Variants in HPSE2 observed in about 807,000 individuals in gnomAD.
The protein encoded by HPSE2 is inactive heparanase-2.
A neutral mutation model predicts 60.5 loss-of-function variants in HPSE2; 38 were observed. The observed-to-expected ratio is 0.63, with a 90% CI of 0.48 to 0.82. HPSE2 has a LOEUF of 0.82. Among genes scored for constraint, HPSE2 ranks in the 40% least tolerant of loss-of-function variants. The probability of loss-of-function intolerance (pLI) is 0.00; values close to 1 mark genes in which losing one functional copy is unlikely to be tolerated. For synonymous variants in HPSE2, 295 were observed against 293.2 expected, an observed-to-expected ratio of 1.01 and a Z score of -0.06; for missense variants, 713 against 740.4, an observed-to-expected ratio of 0.96 and a Z score of 0.43.
chr10:99,136,258 A>T (rs1158479644), intron 3 of HPSE2, among the ~76,000 whole-genome samples: 2 of 152,158 alleles, frequency 1.3e-5, no homozygotes, highest in Non-Finnish European at 2.9e-5. Context: ...TAGCCTACCA[A>T]CCAAAAAAAC....
At chr10:98,973,380 A>G (rs1324831755) in intron 3 of HPSE2, among the ~76,000 whole-genome samples, 1 of 152,198 alleles carries the variant, frequency 6.6e-6, no homozygotes, top group Non-Finnish European at 1.5e-5. Context: ...CTTTGACCCA[A>G]AGAAGGAAGC....
chr10:98,657,186 C>T (rs572380323), intron 6 of HPSE2, among the ~76,000 whole-genome samples: 29 of 126,648 alleles, frequency 2.3e-4, no homozygotes, highest in South Asian at 2.7e-4. Flanking sequence ...GCAAAGTAAC[C>T]AGAAGAGAGG....
intron 3 of HPSE2, among the ~76,000 whole-genome samples, chr10:99,036,379 CAATAAG>C (rs1178008127): frequency 6.6e-6 from 1 of 151,982 alleles, no homozygotes; most frequent in Non-Finnish European, 1.5e-5. Flanking sequence ...GTGCTCAAAA[CAATAAG>C]AATGAGACAT....
intron 3 of HPSE2, among the ~76,000 whole-genome samples, chr10:98,920,407 T>TA (rs1491479665): frequency 6.6e-6 from 1 of 152,168 alleles, no homozygotes. Flanking sequence ...AAATAAAACT[T>TA]ATGTGTCTAA....
In HPSE2 at chr10:99,232,384, G is replaced by A; in HGVS notation, c.412C>T (p.Pro138Ser). The A allele has an allele frequency of 6.4e-7, 1 of 1,551,574 alleles. No individual in the cohort carries two copies. The highest frequency in any genetic ancestry group is 8.7e-7 in the Non-Finnish European group (1 of 1,147,036). Residue 138 changes from proline (P) to serine (S), a missense_variant, in exon 2 of 12, where the codon CCG (proline) becomes TCG (serine). By Grantham distance (74) the Pro-to-Ser change is moderately conservative. Transcript: ENST00000370552. ...LRNPAKSRGGPGPDYYLKNYE... is the reference protein window; with the variant it reads ...LRNPAKSRGGSGPDYYLKNYE... The stretch of plus-strand genomic sequence containing the variant: ...TTTTTGAGATAGTAATCCGGGCCCG[G>A]GCCCCCGCGGCTTTTCGCCGGGTTC...
intron 9 of HPSE2, among the ~76,000 whole-genome samples, chr10:98,593,257 T>C (rs7084096): frequency 0.39 from 59,591 of 151,994 alleles, 11,806 homozygotes; most frequent in East Asian, 0.51. Context: ...TATGGAAATA[T>C]GGCTGCACTT....
chr10:98,895,633 C>T (rs1953465020), intron 3 of HPSE2, among the ~76,000 whole-genome samples: 1 of 152,022 alleles, frequency 6.6e-6, no homozygotes, highest in South Asian at 2.1e-4. Flanking sequence ...AACTCATGCA[C>T]ATGTATGTTT....
chr10:98,923,754 A>G (rs1463558706), intron 3 of HPSE2, among the ~76,000 whole-genome samples: 1 of 152,032 alleles, frequency 6.6e-6, no homozygotes. Flanking sequence ...ATTCTATTTA[A>G]TTATTTCAAT....
intron 3 of HPSE2, among the ~76,000 whole-genome samples, chr10:99,021,255 C>T (rs1957255897): frequency 6.6e-6 from 1 of 152,080 alleles, no homozygotes; most frequent in Non-Finnish European, 1.5e-5. Context: ...GTTTATTGAG[C>T]ACTTAGTATG....
intron 9 of HPSE2, among the ~76,000 whole-genome samples, chr10:98,522,670 CT>C (rs1326359658): frequency 1.3e-5 from 2 of 152,038 alleles, no homozygotes; most frequent in African/African-American, 4.8e-5. Flanking sequence ...TAGAGATGGG[CT>C]TTTACCATAT....
chr10:98,747,109 C>T, intron 3 of HPSE2, among the ~76,000 whole-genome samples: 1 of 151,908 alleles, frequency 6.6e-6, no homozygotes, highest in East Asian at 1.9e-4. Context: ...ATAAGATCAA[C>T]AGAGGTCCAT....
intron 5 of HPSE2, among the ~76,000 whole-genome samples, chr10:98,709,856 C>T (rs1396316519): frequency 6.6e-6 from 1 of 152,020 alleles, no homozygotes. Flanking sequence ...ACTTCTGGAT[C>T]ACAGATTGCA....
rs573929150 is a variant in HPSE2, at chr10:98,861,344, A to G, written c.611-117288T>C. On this transcript the variant is annotated intron_variant, in intron 3 of 11. Transcript: ENST00000370552. The stretch of plus-strand genomic sequence containing the variant: ...AGTCTTTCTTATTTGCTGATATTTT[A>G]TTTAACAAAATCCTATATGGAAGTC... 1.8e-4 allele frequency among the ~76,000 whole-genome samples: 27 copies of G among 152,254 alleles called. No individual in the cohort carries two copies. The South Asian group carries it at 2.9e-3, about 16-fold the overall frequency.
chr10:98,687,651 T>G (rs1565079276), intron 6 of HPSE2, among the ~76,000 whole-genome samples: 1 of 152,158 alleles, frequency 6.6e-6, no homozygotes, highest in Non-Finnish European at 1.5e-5. Context: ...GGACAATACA[T>G]TTACGATTAT....
At chr10:99,199,558 T>C (rs372056016) in intron 2 of HPSE2, among the ~76,000 whole-genome samples, 127 of 152,286 alleles carry the variant, frequency 8.3e-4, no homozygotes, top group African/African-American at 2.9e-3. Flanking sequence ...TGTATATTTA[T>C]GGCACCCTTG....
chr10:98,548,616 CAAA>C (rs71007398), intron 9 of HPSE2, among the ~76,000 whole-genome samples: 3 of 140,072 alleles, frequency 2.1e-5, no homozygotes, highest in Non-Finnish European at 3.1e-5. Context: ...GACTCCATCT[CAAA>C]AAAAAAAAAA....
At chr10:99,025,601 CA>C (rs1554869806) in intron 3 of HPSE2, among the ~76,000 whole-genome samples, 1 of 151,948 alleles carries the variant, frequency 6.6e-6, no homozygotes, top group Non-Finnish European at 1.5e-5. Flanking sequence ...AACACAGGAA[CA>C]AAAAACTGAA....
chr10:98,855,485 G>A (rs1952291043), intron 3 of HPSE2, among the ~76,000 whole-genome samples: 1 of 151,940 alleles, frequency 6.6e-6, no homozygotes, highest in South Asian at 2.1e-4. Flanking sequence ...TTAACTTTAA[G>A]GTACAAAAGC....
intron 7 of HPSE2, among the ~76,000 whole-genome samples, chr10:98,627,961 A>G (rs1946260889): frequency 6.6e-6 from 1 of 152,240 alleles, no homozygotes; most frequent in African/African-American, 2.4e-5. Flanking sequence ...CATTCAGAGT[A>G]GTTCATTTAT....
Sources: allele counts gnomAD v4.1 joint callset (sites outside exome capture counted in the v4.1 genomes callset), GRCh38; gene constraint gnomAD v4.1.1; transcripts MANE v1.5; gene names NCBI Gene and HGNC (gene_info 2026-07-23, HGNC 2026-07-21).